Variants in RANBP2 observed in about 807,000 individuals in gnomAD.
The protein encoded by RANBP2 is E3 SUMO-protein ligase RanBP2.
In RANBP2, 57 loss-of-function variants were observed where a neutral mutation model predicts 303.6. That is an observed-to-expected ratio of 0.19 (90% CI 0.15 to 0.23). The LOEUF (loss-of-function observed/expected upper bound fraction) is 0.23. RANBP2 is among the 10% of genes least tolerant of loss of function. RANBP2 has a pLI of 1.00. For synonymous variants in RANBP2, 1,167 were observed against 1,301.5 expected (o/e 0.90, Z 2.23); for missense variants, 3,138 against 3,780.8 (o/e 0.83, Z 4.46).
At chr2:109,243,766 T>C in the RANBP2 span, among the ~76,000 whole-genome samples, 1 of 152,202 alleles carries the variant, frequency 6.6e-6, no homozygotes, top group Admixed American at 6.5e-5. Context: ...CGAGTGGTTT[T>C]GCAATCCAGG....
At chr2:108,787,578 C>T (rs1679101116), downstream of RANBP2, among the ~76,000 whole-genome samples, 2 of 152,254 alleles carry the variant, frequency 1.3e-5, no homozygotes, top group Middle Eastern at 3.4e-3. Context: ...GCAATTATCT[C>T]GATAAAACCT....
chr2:109,301,200 T>G, the RANBP2 span, among the ~76,000 whole-genome samples: 1 of 152,196 alleles, frequency 6.6e-6, no homozygotes, highest in African/African-American at 2.4e-5. Flanking sequence ...CTGGTTCCTC[T>G]GCGCAGGCTG....
At chr2:109,246,664 C>G in the RANBP2 span, among the ~76,000 whole-genome samples, 3,058 of 152,302 alleles carry the variant, frequency 0.02, 111 homozygotes, top group African/African-American at 0.069. Flanking sequence ...GACCTGTGGA[C>G]TTAACGTGCC....
the RANBP2 span, chr2:109,544,437 G>A: frequency 2.1e-6 from 3 of 1,402,530 alleles, no homozygotes; most frequent in East Asian, 2.5e-5. Context: ...CTTTGAAAAA[G>A]AAAAGAAAAA....
chr2:109,652,227 GTTT>G, the RANBP2 span, among the ~76,000 whole-genome samples: 1 of 144,312 alleles, frequency 6.9e-6, no homozygotes, highest in Non-Finnish European at 1.5e-5. Flanking sequence ...ATTTTTGTTT[GTTT>G]TTTTTTTTTT....
the RANBP2 span, among the ~76,000 whole-genome samples, chr2:109,488,756 C>T: frequency 1.6e-4 from 24 of 152,234 alleles, no homozygotes; most frequent in African/African-American, 5.5e-4. Context: ...AGGGCTGCAA[C>T]GAAATCCATG....
the RANBP2 span, among the ~76,000 whole-genome samples, chr2:109,299,117 A>G: frequency 3.9e-5 from 6 of 152,254 alleles, no homozygotes; most frequent in Non-Finnish European, 7.4e-5. Context: ...TTTGCAGATG[A>G]GGCCCCCTCA....
At chr2:109,324,627 A>C in the RANBP2 span, among the ~76,000 whole-genome samples, 5 of 152,340 alleles carry the variant, frequency 3.3e-5, no homozygotes, top group East Asian at 9.6e-4. Flanking sequence ...CTTTGAAGAC[A>C]GTATTTGAAG....
At chr2:109,437,902 C>T in the RANBP2 span, among the ~76,000 whole-genome samples, 1 of 152,158 alleles carries the variant, frequency 6.6e-6, no homozygotes, top group African/African-American at 2.4e-5. Flanking sequence ...TCTTCCACCA[C>T]GGTGGAGCCA....
chr2:109,565,170 A>G, the RANBP2 span, among the ~76,000 whole-genome samples: 2 of 152,166 alleles, frequency 1.3e-5, no homozygotes, highest in East Asian at 1.9e-4. Flanking sequence ...TAAAAATGTT[A>G]TATTTTCTCA....
In RANBP2 at chr2:108,767,721, T is replaced by C. The variant is rs375284697; in HGVS notation, c.7182T>C (p.Asn2394=). ...HRITPDMTLQ[N]MKGTERVWLW... Reference sequence around the variant, plus strand: ...TAACTCCAGACATGACTTTGCAAAATATGAAAGGGACAGAAAGAGTATGGT... The same window carrying C: ...TAACTCCAGACATGACTTTGCAAAACATGAAAGGGACAGAAAGAGTATGGT... Residue 2394 remains asparagine (N), a synonymous_variant, in exon 20 of 29, where the codon AAT becomes AAC. Transcript: ENST00000283195. 69 of 1,611,854 alleles carry C rather than the reference T, an allele frequency of 4.3e-5. No homozygotes were observed. The highest frequency in any genetic ancestry group is 5.3e-5 in the African/African-American group (4 of 74,832).
chr2:109,735,276 C>A, the RANBP2 span, among the ~76,000 whole-genome samples: 1 of 152,090 alleles, frequency 6.6e-6, no homozygotes, highest in Non-Finnish European at 1.5e-5. Context: ...CTTTCTGTGC[C>A]TGGCTTATTT....
At chr2:109,173,270 G>A in the RANBP2 span, among the ~76,000 whole-genome samples, 196 of 152,272 alleles carry the variant, frequency 1.3e-3, 1 homozygote, top group African/African-American at 4.6e-3. Flanking sequence ...CAGAACCTGG[G>A]ATTGAGATGA....
the RANBP2 span, among the ~76,000 whole-genome samples, chr2:109,097,614 C>A: frequency 6.9e-6 from 1 of 144,152 alleles, no homozygotes; most frequent in Non-Finnish European, 1.5e-5. Context: ...AGTTTCTTGA[C>A]AAGAGGTCCA....
chr2:109,406,077 T>G, the RANBP2 span, among the ~76,000 whole-genome samples: 10 of 152,238 alleles, frequency 6.6e-5, no homozygotes, highest in African/African-American at 2.4e-4. Context: ...TGCAGCCGGC[T>G]GAGCCTCAGA....
the RANBP2 span, among the ~76,000 whole-genome samples, chr2:109,670,669 A>T: frequency 6.6e-5 from 10 of 152,078 alleles, no homozygotes; most frequent in Non-Finnish European, 1.3e-4. Flanking sequence ...GGTGCATAGC[A>T]TTTCCATGGG....
the RANBP2 span, among the ~76,000 whole-genome samples, chr2:108,891,325 G>T: frequency 6.6e-6 from 1 of 152,174 alleles, no homozygotes; most frequent in East Asian, 1.9e-4. Context: ...TTTCATAGAA[G>T]AAGACTTTTT....
the RANBP2 span, among the ~76,000 whole-genome samples, chr2:108,998,416 CGTGGAGTGGAA>C: frequency 2.6e-5 from 4 of 152,146 alleles, no homozygotes; most frequent in Non-Finnish European, 1.5e-5. Context: ...TTCTTGTATT[CGTGGAGTGGAA>C]AACATCTCGT....
chr2:108,907,911 C>A, the RANBP2 span: 12 of 1,613,578 alleles, frequency 7.4e-6, no homozygotes, highest in Non-Finnish European at 8.5e-6. Flanking sequence ...GGTGAACCAG[C>A]GACAGCAGGC....
Sources: gnomAD v4.1 joint callset for allele counts (sites outside exome capture counted in the v4.1 genomes callset) on GRCh38, gnomAD v4.1.1 for gene constraint, MANE v1.5 for transcripts, NCBI Gene and HGNC (gene_info 2026-07-23, HGNC 2026-07-21) for gene names.